CMC2: variants seen among roughly 807,000 people sequenced by gnomAD.
The protein encoded by CMC2 is C-X9-C motif containing 2.
A neutral mutation model predicts 7.5 loss-of-function variants in CMC2; 5 were observed. The observed-to-expected ratio is 0.66, with a 90% CI of 0.35 to 1.40. The LOEUF (loss-of-function observed/expected upper bound fraction) is 1.40. CMC2 is among the 40% of genes most tolerant of loss of function. The pLI, the probability that CMC2 is intolerant of heterozygous loss-of-function variation, is 0.04. For missense variants in CMC2, 115 were observed against 92.3 expected (o/e 1.25, Z -1.01); for synonymous variants, 37 against 31.4 (o/e 1.18, Z -0.60).
At chr16:80,988,305 T>C (rs1429123891) in intron 2 of CMC2, among the ~76,000 whole-genome samples, 1 of 152,192 alleles carries the variant, frequency 6.6e-6, no homozygotes, top group Admixed American at 6.5e-5. Context: ...TTGCCCAGGC[T>C]GAAGTGCCGG....
chr16:80,979,991 T>G (rs1966996834), intron 3 of CMC2, among the ~76,000 whole-genome samples: 1 of 152,030 alleles, frequency 6.6e-6, no homozygotes, highest in African/African-American at 2.4e-5. Flanking sequence ...CCTAGATAGC[T>G]CACTGCAGCC....
chr16:81,004,414 A>G (rs2602418), intron 1 of CMC2, among the ~76,000 whole-genome samples: 95,872 of 152,082 alleles, frequency 0.63, 31,730 homozygotes, highest in South Asian at 0.79. Context: ...GACCCCAGGG[A>G]CTGCCTGGGG....
Position 80,974,988 on chromosome 16 carries a change from G to C in CMC2, c.*1105C>G, listed in dbSNP as rs1338953900. The C allele has an allele frequency of 6.6e-6, 1 of 152,178 alleles. No homozygotes were observed. Among genetic ancestry groups the C allele is most frequent in the Non-Finnish European group, 1.5e-5 (1 of 68,046 alleles). 9.4% of individuals were successfully genotyped at this position (152,178 alleles called of 1,614,324 possible). A position where few individuals can be genotyped will look rare whatever the true frequency, so the allele number is the denominator to read the frequency against. Reference sequence around the variant, plus strand: ...GGCCTCATGCTGGATATTATACACAGAACTCCACTAGAAGGAGCTCACAGC... The same window carrying C: ...GGCCTCATGCTGGATATTATACACACAACTCCACTAGAAGGAGCTCACAGC... On this transcript the variant is annotated 3_prime_UTR_variant, in exon 4 of 4. Transcript: ENST00000219400.
intron 2 of CMC2, among the ~76,000 whole-genome samples, chr16:80,996,186 T>C (rs1968402194): frequency 6.6e-6 from 1 of 152,220 alleles, no homozygotes; most frequent in Admixed American, 6.5e-5. Flanking sequence ...TATTTATGTC[T>C]AGTATTACAA....
chr16:81,005,247 C>T (rs1969180796), intron 1 of CMC2, among the ~76,000 whole-genome samples: 1 of 152,112 alleles, frequency 6.6e-6, no homozygotes, highest in Non-Finnish European at 1.5e-5. Context: ...ATGGTGAATC[C>T]CCGTCTCTAC....
At chr16:80,993,529 A>C (rs1048088230) in intron 2 of CMC2, among the ~76,000 whole-genome samples, 6 of 152,208 alleles carry the variant, frequency 3.9e-5, no homozygotes, top group African/African-American at 1.4e-4. Context: ...GACTTTCACA[A>C]TGCCATAGTC....
At chr16:81,006,190 GA>G (rs112743635) in intron 1 of CMC2, among the ~76,000 whole-genome samples, 2 of 150,154 alleles carry the variant, frequency 1.3e-5, no homozygotes, top group South Asian at 2.1e-4. Flanking sequence ...TACTTTCCTG[GA>G]AAAAAAAAGC....
intron 2 of CMC2, chr16:80,997,010 G>C (rs1968472018): frequency 6.2e-6 from 3 of 482,566 alleles, no homozygotes; most frequent in South Asian, 5.0e-5. Flanking sequence ...GAATATAACT[G>C]TTCTAGTGCC....
chr16:80,993,203 T>A (rs1026834053), intron 2 of CMC2, among the ~76,000 whole-genome samples: 1 of 152,172 alleles, frequency 6.6e-6, no homozygotes, highest in Non-Finnish European at 1.5e-5. Flanking sequence ...AAACTGAATA[T>A]ATAAAACAAC....
chr16:80,991,707 T>G, intron 2 of CMC2: 1 of 263,638 alleles, frequency 3.8e-6, no homozygotes, highest in South Asian at 3.7e-5. Flanking sequence ...ACATTAACAG[T>G]GATAAATTAT....
rs937960944 is a variant in CMC2 at position 80,997,139 on chromosome 16, G to A, written c.81+175C>T. 3 of 603,998 alleles carry A rather than the reference G, an allele frequency of 5.0e-6. No homozygotes were observed. The East Asian group carries it at 8.5e-5, about 17-fold the overall frequency. 37.4% of individuals were successfully genotyped at this position (603,998 alleles called of 1,614,324 possible). On this transcript the variant is annotated intron_variant, in intron 2 of 3. Transcript: ENST00000219400. Reference sequence around the variant, plus strand: ...TGATTTTTACTAATCATAAAAGGAGGTAGTTTGTGTAAAAAAAAGAAAAAA... The same window carrying A: ...TGATTTTTACTAATCATAAAAGGAGATAGTTTGTGTAAAAAAAAGAAAAAA...
chr16:80,971,797 A>C lies in CMC2; in HGVS notation c.*4296T>G, dbSNP rs1192076108. The C allele has an allele frequency of 1.3e-5, 2 of 151,972 alleles. No homozygotes were observed. Among genetic ancestry groups the C allele is most frequent in the African/African-American group, 2.4e-5 (1 of 41,330 alleles). 9.4% of individuals were successfully genotyped at this position (151,972 alleles called of 1,614,324 possible). ...AGATAGCAGCTATGTGAGTGTTCGTATTAGTCTGTATAGTTTTCTGTAAAC... is the reference window on the plus strand; with the variant it reads ...AGATAGCAGCTATGTGAGTGTTCGTCTTAGTCTGTATAGTTTTCTGTAAAC... On this transcript the variant is annotated 3_prime_UTR_variant, in exon 4 of 4. Coordinates refer to ENST00000219400, the MANE Select transcript of CMC2 (RefSeq NM_020188.5).
Position 80,972,742 on chromosome 16 carries a change from G to A in CMC2, c.*3351C>T, listed in dbSNP as rs1427283411. On this transcript the variant is annotated 3_prime_UTR_variant, in exon 4 of 4. Coordinates refer to ENST00000219400, the MANE Select transcript of CMC2 (RefSeq NM_020188.5). The stretch of plus-strand genomic sequence containing the variant: ...TTTACTTATCGTCTGCAAGTCCACA[G>A]TAAGGAAATCTCTTCCTTCACTTGG... The A allele has an allele frequency of 6.6e-6, 1 of 152,202 alleles. No homozygotes were observed. Among genetic ancestry groups the A allele is most frequent in the Non-Finnish European group, 1.5e-5 (1 of 68,036 alleles). The allele number at this position is 152,202 out of a possible 1,614,324, so 9.4% of individuals were successfully genotyped here.
rs983062246 is a variant in CMC2 at position 80,970,807 on chromosome 16, G to C, written c.*5286C>G. ...AAATTAGAATAAATTGGATGCAGGG[G>C]CTCATGCCTATAATCCCTGCTTTAT... is the stretch of plus-strand genomic sequence containing the variant. On this transcript the variant is annotated 3_prime_UTR_variant, in exon 4 of 4. Coordinates refer to ENST00000219400, the MANE Select transcript of CMC2 (RefSeq NM_020188.5). 6 of 152,126 alleles carry C rather than the reference G, an allele frequency of 3.9e-5. No individual in the cohort carries two copies. The highest frequency in any genetic ancestry group is 5.9e-5 in the Non-Finnish European group (4 of 68,038). 9.4% of individuals were successfully genotyped at this position (152,126 alleles called of 1,614,324 possible). A position where few individuals can be genotyped will look rare whatever the true frequency, so the allele number is the denominator to read the frequency against.
In CMC2 at chr16:80,981,885, G is replaced by C. The variant is rs889111142; in HGVS notation, c.82-8C>G. ...AAATTTCAGAATGTTGTGCTAAAAG[G>C]AAGAAAAGGAGTAAAATATTTCATC... On this transcript the variant is annotated splice_region_variant and splice_polypyrimidine_tract_variant and intron_variant, in intron 2 of 3. Coordinates refer to ENST00000219400, the MANE Select transcript of CMC2 (RefSeq NM_020188.5). 6.3e-7 allele frequency: 1 copy of C among 1,585,522 alleles called. No homozygotes were observed. The highest frequency in any genetic ancestry group is 8.6e-7 in the Non-Finnish European group (1 of 1,156,710).
chr16:80,981,775 A>T, intron 3 of CMC2, 31 bp downstream of exon 3: 2 of 1,410,592 alleles, frequency 1.4e-6, no homozygotes, highest in Non-Finnish European at 2.0e-6. Context: ...TCTATTGTTC[A>T]ACCATATCCA....
intron 2 of CMC2, among the ~76,000 whole-genome samples, chr16:80,992,863 T>A (rs964229674): frequency 6.6e-6 from 1 of 152,152 alleles, no homozygotes; most frequent in Admixed American, 6.5e-5. Flanking sequence ...CACTTTTATT[T>A]TTATTTTTTG....
At chr16:81,006,687 A>C (rs962007672) in intron 1 of CMC2, 47 bp downstream of exon 1, 3 of 983,558 alleles carry the variant, frequency 3.1e-6, no homozygotes, top group South Asian at 9.4e-5. Flanking sequence ...GGACCTGAGG[A>C]GGAACAACGG....
Position 80,973,724 on chromosome 16 carries a change from G to A in CMC2, c.*2369C>T, listed in dbSNP as rs1567499791. 6.6e-6 allele frequency: 1 copy of A among 152,164 alleles called. No individual in the cohort carries two copies. Among genetic ancestry groups the A allele is most frequent in the Non-Finnish European group, 1.5e-5 (1 of 68,082 alleles). The allele number at this position is 152,164 out of a possible 1,614,324, so 9.4% of individuals were successfully genotyped here. A position where few individuals can be genotyped will look rare whatever the true frequency, so the allele number is the denominator to read the frequency against. On this transcript the variant is annotated 3_prime_UTR_variant, in exon 4 of 4. Transcript: ENST00000219400. ...TTGCTCACTGTGCTCCAGTTCACTA[G>A]CATTTTATTTGTCAAACTCCCTTCC...
Sources: gnomAD v4.1 joint callset for allele counts (sites outside exome capture counted in the v4.1 genomes callset) on GRCh38, gnomAD v4.1.1 for gene constraint, MANE v1.5 for transcripts, NCBI Gene and HGNC (gene_info 2026-07-23, HGNC 2026-07-21) for gene names.